The following LIN7A variants were observed in gnomAD, a reference collection of about 807,000 sequenced individuals.
LIN7A encodes the protein protein lin-7 homolog A.
A neutral mutation model predicts 29.8 loss-of-function variants in LIN7A; 25 were observed. The ratio of observed to expected loss-of-function variants is 0.84; its 90% CI spans 0.61 to 1.17. The LOEUF (loss-of-function observed/expected upper bound fraction) is 1.17. LIN7A is among the 50% of genes most tolerant of loss of function. The pLI is 0.00. For missense variants in LIN7A, 239 were observed against 287.0 expected (o/e 0.83, Z 1.21); for synonymous variants, 118 against 107.5 (o/e 1.10, Z -0.60).
chr12:80,831,829 C>T (rs561573899), intron 4 of LIN7A, among the ~76,000 whole-genome samples: 1 of 152,310 alleles, frequency 6.6e-6, no homozygotes, highest in East Asian at 1.9e-4. Context: ...TAAAGTTGCT[C>T]TTACATTGCC....
At chr12:80,840,965 A>T (rs1872779115) in intron 4 of LIN7A, among the ~76,000 whole-genome samples, 1 of 152,162 alleles carries the variant, frequency 6.6e-6, no homozygotes, top group African/African-American at 2.4e-5. Context: ...TAAGTGTTTA[A>T]AAGCTCTTTA....
chr12:80,808,855 A>G (rs1871161634), intron 5 of LIN7A, among the ~76,000 whole-genome samples: 1 of 152,220 alleles, frequency 6.6e-6, no homozygotes, highest in African/African-American at 2.4e-5. Context: ...TAAAGATACT[A>G]AAATATGGTA....
intron 2 of LIN7A, among the ~76,000 whole-genome samples, chr12:80,848,580 G>A (rs1873185494): frequency 6.6e-6 from 1 of 151,760 alleles, no homozygotes; most frequent in African/African-American, 2.4e-5. Flanking sequence ...CCAGGGATGG[G>A]ATTATAAAAT....
chr12:80,907,055 C>CTCTGTGTG (rs1555228957), intron 1 of LIN7A, among the ~76,000 whole-genome samples: 1,957 of 145,280 alleles, frequency 0.013, 25 homozygotes, highest in South Asian at 0.062. Context: ...AGTGCGTGCT[C>CTCTGTGTG]TGTGTGTGTG....
At chr12:80,930,341 A>G (rs536714427) in intron 1 of LIN7A, among the ~76,000 whole-genome samples, 5 of 152,348 alleles carry the variant, frequency 3.3e-5, no homozygotes, top group African/African-American at 1.2e-4. Flanking sequence ...ATTACTTAGC[A>G]AAATTCAATC....
intron 1 of LIN7A, among the ~76,000 whole-genome samples, chr12:80,911,869 T>G (rs1876765460): frequency 6.6e-6 from 1 of 152,230 alleles, no homozygotes; most frequent in African/African-American, 2.4e-5. Context: ...GCACTATTTT[T>G]CAAGTGGTAT....
At chr12:80,882,203 G>T (rs1875081341) in intron 2 of LIN7A, among the ~76,000 whole-genome samples, 2 of 150,038 alleles carry the variant, frequency 1.3e-5, no homozygotes, top group Admixed American at 6.7e-5. Context: ...AATGCTAATG[G>T]TTTCTCTAAA....
At chr12:80,828,934 A>T (rs1279632392) in intron 4 of LIN7A, among the ~76,000 whole-genome samples, 1 of 151,922 alleles carries the variant, frequency 6.6e-6, no homozygotes, top group Non-Finnish European at 1.5e-5. Flanking sequence ...AGTTAAAGGG[A>T]CTCTTTAAAA....
In LIN7A at chr12:80,795,702, G is replaced by A. The variant is rs1870412912; in HGVS notation, c.*2025C>T. ...TGATTTCCCTTCATGAGAATCCTGT[G>A]GCATTGCCTGAATAGCTTTAATATA... On this transcript the variant is annotated 3_prime_UTR_variant, in exon 6 of 6. Coordinates refer to ENST00000552864, the MANE Select transcript of LIN7A (RefSeq NM_004664.4). 2 of 151,962 alleles carry A rather than the reference G, an allele frequency of 1.3e-5. No homozygotes were observed. The highest frequency in any genetic ancestry group is 2.9e-5 in the Non-Finnish European group (2 of 67,950). The allele number at this position is 151,962 out of a possible 1,614,324, so 9.4% of individuals were successfully genotyped here.
chr12:80,840,363 T>C (rs1435987363), intron 4 of LIN7A, among the ~76,000 whole-genome samples: 5 of 152,248 alleles, frequency 3.3e-5, no homozygotes, highest in Non-Finnish European at 5.9e-5. Context: ...GCATCAGTTA[T>C]GATTGCAGTA....
chr12:80,901,483 A>G (rs1023882492), intron 1 of LIN7A, among the ~76,000 whole-genome samples: 7 of 152,146 alleles, frequency 4.6e-5, no homozygotes, highest in Admixed American at 4.6e-4. Context: ...TACATAAAAA[A>G]CAATCTACCT....
At chr12:80,802,016 C>A (rs1374305629) in intron 5 of LIN7A, among the ~76,000 whole-genome samples, 1 of 151,834 alleles carries the variant, frequency 6.6e-6, no homozygotes, top group African/African-American at 2.4e-5. Flanking sequence ...TTTGCCTCAG[C>A]CTCCTGAGTA....
chr12:80,918,723 T>C (rs1210385765), intron 1 of LIN7A, among the ~76,000 whole-genome samples: 1 of 152,234 alleles, frequency 6.6e-6, no homozygotes, highest in East Asian at 1.9e-4. Flanking sequence ...CAGTCTACCA[T>C]ATTAGAGACT....
chr12:80,877,224 C>A (rs1874756643), intron 2 of LIN7A, among the ~76,000 whole-genome samples: 1 of 151,586 alleles, frequency 6.6e-6, no homozygotes, highest in African/African-American at 2.4e-5. Context: ...ACCAGAGACA[C>A]ATGTATGTTA....
At chr12:80,863,902 GTT>G (rs5799492) in intron 2 of LIN7A, among the ~76,000 whole-genome samples, 69 of 150,982 alleles carry the variant, frequency 4.6e-4, no homozygotes, top group African/African-American at 1.6e-3. Context: ...TTGTTTGTTT[GTT>G]TTTTTTTAAC....
At chr12:80,893,854 C>T (rs187412644) in intron 1 of LIN7A, among the ~76,000 whole-genome samples, 26 of 152,166 alleles carry the variant, frequency 1.7e-4, no homozygotes, top group Admixed American at 1.4e-3. Flanking sequence ...TAGTGGGTAC[C>T]CCTCCAAGGA....
intron 5 of LIN7A, among the ~76,000 whole-genome samples, chr12:80,807,072 T>TG (rs777411417): frequency 0.23 from 27,005 of 119,676 alleles, 4,242 homozygotes; most frequent in African/African-American, 0.27. Flanking sequence ...AGTTTTTTTT[T>TG]TTTTTTTTTT....
chr12:80,808,606 C>T (rs1342894012), intron 5 of LIN7A, among the ~76,000 whole-genome samples: 1 of 151,062 alleles, frequency 6.6e-6, no homozygotes, highest in Admixed American at 6.6e-5. Context: ...CCCAGGTTCA[C>T]GCCATTCTCC....
At chr12:80,917,475 T>A (rs899723575) in intron 1 of LIN7A, among the ~76,000 whole-genome samples, 1 of 152,190 alleles carries the variant, frequency 6.6e-6, no homozygotes, top group Non-Finnish European at 1.5e-5. Flanking sequence ...ATAGCATCAG[T>A]TTAAATGAAA....
Sources: gnomAD v4.1 joint callset for allele counts (sites outside exome capture counted in the v4.1 genomes callset) on GRCh38, gnomAD v4.1.1 for gene constraint, MANE v1.5 for transcripts, NCBI Gene and HGNC (gene_info 2026-07-23, HGNC 2026-07-21) for gene names.